The following STPG2 variants were observed in gnomAD, a reference collection of about 807,000 sequenced individuals.
STPG2 encodes the protein sperm tail PG-rich repeat containing 2.
Under a neutral mutation model 54.2 loss-of-function variants are expected in STPG2, and 56 were observed. That is an observed-to-expected ratio of 1.03 (90% confidence interval 0.83 to 1.29). The LOEUF is 1.29. Among genes scored for constraint, STPG2 ranks in the 50% most tolerant of loss-of-function variants. The pLI, the probability that STPG2 is intolerant of heterozygous loss-of-function variation, is 0.00. For synonymous variants in STPG2, 200 were observed against 181.8 expected, an observed-to-expected ratio of 1.10 and a Z score of -0.81; for missense variants, 596 against 544.9, an observed-to-expected ratio of 1.09 and a Z score of -0.93.
At chr4:97,819,919 G>T (rs1415661788) in intron 9 of STPG2, among the ~76,000 whole-genome samples, 1 of 151,834 alleles carries the variant, frequency 6.6e-6, no homozygotes, top group Non-Finnish European at 1.5e-5. Flanking sequence ...TCATTTTATT[G>T]TGTCTTGCTT....
intron 5 of STPG2, among the ~76,000 whole-genome samples, chr4:98,069,741 A>G (rs1737943915): frequency 6.6e-6 from 1 of 152,106 alleles, no homozygotes; most frequent in African/African-American, 2.4e-5. Context: ...TGAAGACAGT[A>G]ACTTACGGCA....
chr4:97,486,804 G>GGTGTGTGT (rs546341277), intron 4 of STPG2, among the ~76,000 whole-genome samples: 47 of 130,894 alleles, frequency 3.6e-4, no homozygotes, highest in African/African-American at 1.4e-3. Context: ...AAGAAACTGT[G>GGTGTGTGT]GTGTGTGTGT....
intron 4 of STPG2, among the ~76,000 whole-genome samples, chr4:97,442,881 T>C (rs987205572): frequency 6.6e-6 from 1 of 152,158 alleles, no homozygotes; most frequent in African/African-American, 2.4e-5. Context: ...TATGAGTAAA[T>C]AGTTACATGG....
chr4:97,655,484 C>A (rs1313288565), intron 10 of STPG2, among the ~76,000 whole-genome samples: 3 of 152,010 alleles, frequency 2.0e-5, no homozygotes, highest in African/African-American at 7.2e-5. Flanking sequence ...TAGAACTTTT[C>A]ACTTTGGTTA....
At chr4:97,610,190 C>T (rs895075264) in intron 10 of STPG2, among the ~76,000 whole-genome samples, 1 of 152,010 alleles carries the variant, frequency 6.6e-6, no homozygotes, top group East Asian at 1.9e-4. Context: ...AGTGGCCAGG[C>T]ATCTGTCTGA....
chr4:97,648,234 T>A (rs1019376986), intron 10 of STPG2, among the ~76,000 whole-genome samples: 9 of 152,104 alleles, frequency 5.9e-5, no homozygotes, highest in Non-Finnish European at 1.0e-4. Flanking sequence ...TGGCTAAACA[T>A]CAGTCCTATC....
Position 98,065,666 on chromosome 4 carries a change from AC to A in STPG2, c.612+40286del, listed in dbSNP as rs1383879153. ...GAACAATAGAGACTGTGAGGCTATC[AC>A]TGCAACAACCACCTTGCCACCATAA... On this transcript the variant is annotated intron_variant, in intron 5 of 10. Transcript: ENST00000295268. Among the ~76,000 whole-genome samples, 4 of 152,330 alleles carry A rather than the reference AC, an allele frequency of 2.6e-5. No individual in the cohort carries two copies. The East Asian group carries it at 7.7e-4, about 29-fold the overall frequency.
chr4:97,610,553 G>C (rs1435819876), intron 10 of STPG2, among the ~76,000 whole-genome samples: 6 of 151,986 alleles, frequency 3.9e-5, no homozygotes, highest in Non-Finnish European at 7.4e-5. Context: ...ACACTTTCTA[G>C]GCTATAGTTT....
intron 4 of STPG2, among the ~76,000 whole-genome samples, chr4:97,536,133 G>A (rs1731524460): frequency 6.6e-6 from 1 of 152,122 alleles, no homozygotes; most frequent in Non-Finnish European, 1.5e-5. Context: ...ATGCCACCAT[G>A]CCTGCAAAAT....
chr4:97,852,614 T>C (rs1729196624), intron 8 of STPG2, among the ~76,000 whole-genome samples: 1 of 152,198 alleles, frequency 6.6e-6, no homozygotes, highest in South Asian at 2.1e-4. Context: ...GCCTTGCTTT[T>C]CTAAGTTATA....
At chr4:97,514,095 C>A (rs2148842589) in intron 4 of STPG2, among the ~76,000 whole-genome samples, 1 of 152,236 alleles carries the variant, frequency 6.6e-6, no homozygotes, top group South Asian at 2.1e-4. Context: ...CAGGTTTATG[C>A]AAGCTTGGAA....
At chr4:97,733,534 T>C (rs533610380) in intron 9 of STPG2, among the ~76,000 whole-genome samples, 70 of 151,856 alleles carry the variant, frequency 4.6e-4, no homozygotes, top group Non-Finnish European at 7.7e-4. Flanking sequence ...CACTACTATA[T>C]AATTCATTCG....
chr4:97,713,568 G>A (rs1446502040), intron 9 of STPG2, among the ~76,000 whole-genome samples: 1 of 152,180 alleles, frequency 6.6e-6, no homozygotes, highest in African/African-American at 2.4e-5. Flanking sequence ...GCAGATTCTT[G>A]ATTCTCATGA....
At chr4:97,919,406 T>A (rs932558859) in intron 8 of STPG2, among the ~76,000 whole-genome samples, 10 of 150,902 alleles carry the variant, frequency 6.6e-5, no homozygotes, top group Non-Finnish European at 1.3e-4. Flanking sequence ...AAAAAGAGTA[T>A]AAATATTGAT....
intron 10 of STPG2, among the ~76,000 whole-genome samples, chr4:97,617,198 TGTTTA>T (rs1278552680): frequency 6.6e-6 from 1 of 151,978 alleles, no homozygotes; most frequent in Non-Finnish European, 1.5e-5. Context: ...CTGTCTGTTT[TGTTTA>T]AAGCTGTATA....
intron 3 of STPG2, among the ~76,000 whole-genome samples, chr4:98,118,149 G>A (rs1262706602): frequency 6.6e-6 from 1 of 152,106 alleles, no homozygotes; most frequent in South Asian, 2.1e-4. Context: ...TAGCTGAGTG[G>A]TCAGGTAATG....
chr4:97,500,880 G>A (rs1468991147), intron 4 of STPG2, among the ~76,000 whole-genome samples: 1 of 151,890 alleles, frequency 6.6e-6, no homozygotes, highest in Non-Finnish European at 1.5e-5. Flanking sequence ...AAAGAGTTGG[G>A]GCAACTAACT....
intron 5 of STPG2, among the ~76,000 whole-genome samples, chr4:98,044,853 A>G (rs1480819837): frequency 1.3e-5 from 2 of 152,136 alleles, no homozygotes; most frequent in African/African-American, 2.4e-5. Context: ...ACTGTTGACA[A>G]GTGAGGCAAG....
At chr4:97,675,373 A>G (rs1722807498) in intron 10 of STPG2, among the ~76,000 whole-genome samples, 1 of 152,180 alleles carries the variant, frequency 6.6e-6, no homozygotes, top group African/African-American at 2.4e-5. Flanking sequence ...TTATATTTGC[A>G]AGCCTGAAAC....
Sources: allele counts gnomAD v4.1 joint callset (sites outside exome capture counted in the v4.1 genomes callset), GRCh38; gene constraint gnomAD v4.1.1; transcripts MANE v1.5; gene names NCBI Gene and HGNC (gene_info 2026-07-23, HGNC 2026-07-21).